The following EXOC6B variants were observed in gnomAD, a reference collection of about 807,000 sequenced individuals.
EXOC6B encodes exocyst complex component 6B, also known as SEC15 homolog B.
Under a neutral mutation model 113.5 loss-of-function variants are expected in EXOC6B, and 54 were observed. The observed-to-expected ratio is 0.48, with a 90% CI of 0.38 to 0.60. The LOEUF is 0.60. Among genes scored for constraint, EXOC6B ranks in the 20% least tolerant of loss-of-function variants. The pLI is 0.00. For missense variants in EXOC6B, 797 were observed against 977.5 expected, an observed-to-expected ratio of 0.82 and a Z score of 2.46; for synonymous variants, 357 against 339.0, an observed-to-expected ratio of 1.05 and a Z score of -0.58.
chr2:72,493,175 T>G (rs1053629230), intron 15 of EXOC6B, among the ~76,000 whole-genome samples: 15 of 152,124 alleles, frequency 9.9e-5, no homozygotes, highest in Non-Finnish European at 2.1e-4. Flanking sequence ...TAGTTACACC[T>G]TTCCTATTCT....
intron 19 of EXOC6B, among the ~76,000 whole-genome samples, chr2:72,349,251 CT>C (rs1182659924): frequency 2.6e-5 from 4 of 152,182 alleles, no homozygotes; most frequent in Non-Finnish European, 5.9e-5. Context: ...TTGTCCCTGG[CT>C]CCTGGCATAG....
chr2:72,371,846 A>C (rs887215989), intron 19 of EXOC6B, among the ~76,000 whole-genome samples: 1 of 152,172 alleles, frequency 6.6e-6, no homozygotes, highest in African/African-American at 2.4e-5. Context: ...TAAACAAGAA[A>C]AAGAAAAAAG....
intron 6 of EXOC6B, among the ~76,000 whole-genome samples, chr2:72,600,465 A>C (rs946474282): frequency 1.5e-5 from 2 of 135,224 alleles, no homozygotes; most frequent in African/African-American, 5.3e-5. Flanking sequence ...AAAAAAAAAA[A>C]CTACAATAAC....
chr2:72,481,254 C>G (rs1004495883), intron 16 of EXOC6B, among the ~76,000 whole-genome samples: 1 of 152,196 alleles, frequency 6.6e-6, no homozygotes, highest in Non-Finnish European at 1.5e-5. Flanking sequence ...TATAAATTAC[C>G]CAGCCTCGGG....
chr2:72,681,847 T>C (rs536697125), intron 6 of EXOC6B, among the ~76,000 whole-genome samples: 2 of 152,226 alleles, frequency 1.3e-5, no homozygotes, highest in East Asian at 3.9e-4. Flanking sequence ...AATAGGGTAG[T>C]CTTGATTTAT....
At chr2:72,452,391 TA>T (rs1268026140) in intron 18 of EXOC6B, among the ~76,000 whole-genome samples, 4 of 152,136 alleles carry the variant, frequency 2.6e-5, no homozygotes, top group African/African-American at 9.7e-5. Flanking sequence ...TAGTTCATAA[TA>T]GGGGAAAATA....
intron 18 of EXOC6B, among the ~76,000 whole-genome samples, chr2:72,396,876 G>T (rs924731219): frequency 3.7e-4 from 56 of 151,744 alleles, no homozygotes; most frequent in African/African-American, 1.3e-3. Context: ...GTAATAACAG[G>T]TGATGCTAGA....
At chr2:72,628,143 G>T (rs1265617788) in intron 6 of EXOC6B, among the ~76,000 whole-genome samples, 1 of 151,630 alleles carries the variant, frequency 6.6e-6, no homozygotes, top group Non-Finnish European at 1.5e-5. Context: ...ATTATTTTTT[G>T]AGACAGGATC....
intron 6 of EXOC6B, among the ~76,000 whole-genome samples, chr2:72,628,698 GCAACCCA>G: frequency 6.6e-6 from 1 of 152,044 alleles, no homozygotes; most frequent in Non-Finnish European, 1.5e-5. Flanking sequence ...ATGGTAGTCT[GCAACCCA>G]GAAGAGGGCC....
intron 20 of EXOC6B, among the ~76,000 whole-genome samples, chr2:72,278,235 A>G (rs1019940797): frequency 2.0e-5 from 3 of 152,290 alleles, no homozygotes; most frequent in Middle Eastern, 6.8e-3. Context: ...CAGGGATCAT[A>G]TGAGACTAGT....
chr2:72,580,097 C>T (rs1367690258), intron 6 of EXOC6B, among the ~76,000 whole-genome samples: 1 of 150,054 alleles, frequency 6.7e-6, no homozygotes, highest in Non-Finnish European at 1.5e-5. Context: ...CAAAAAAAAG[C>T]AAGCTTTACC....
chr2:72,485,590 C>A lies in EXOC6B; in HGVS notation c.1666-4840G>T, dbSNP rs950723264. ...TATACCATCTCCATGATTAAAATAC[C>A]TAAAATACTAAAATACATGAAACTC... is the stretch of plus-strand genomic sequence containing the variant. On this transcript the variant is annotated intron_variant, in intron 16 of 21. Coordinates refer to ENST00000272427, the MANE Select transcript of EXOC6B (RefSeq NM_015189.3). Among the ~76,000 whole-genome samples the A allele has an allele frequency of 5.9e-5, 9 of 151,930 alleles. No individual in the cohort carries two copies. In the Admixed American group the frequency reaches 5.9e-4, roughly 10 times the overall value.
chr2:72,815,733 T>C (rs1686202044), intron 1 of EXOC6B, among the ~76,000 whole-genome samples: 1 of 152,154 alleles, frequency 6.6e-6, no homozygotes, highest in Non-Finnish European at 1.5e-5. Flanking sequence ...AAATGAGCAA[T>C]CTCATAGACT....
chr2:72,197,619 A>T (rs1572982368), intron 20 of EXOC6B, among the ~76,000 whole-genome samples: 1 of 152,082 alleles, frequency 6.6e-6, no homozygotes, highest in East Asian at 1.9e-4. Context: ...AAGATCTGAG[A>T]CAATGAGGAT....
At chr2:72,701,164 G>A (rs1487648773) in intron 6 of EXOC6B, among the ~76,000 whole-genome samples, 2 of 150,302 alleles carry the variant, frequency 1.3e-5, no homozygotes, top group African/African-American at 2.5e-5. Context: ...CCAACATAGT[G>A]AAACCCCATC....
intron 11 of EXOC6B, among the ~76,000 whole-genome samples, chr2:72,512,112 C>A (rs1700935994): frequency 6.6e-6 from 1 of 152,006 alleles, no homozygotes; most frequent in African/African-American, 2.4e-5. Flanking sequence ...TCTCAGAGTG[C>A]CACTTCAAAA....
chr2:72,514,633 C>A lies in EXOC6B; in HGVS notation c.1046+1G>T. The A allele has an allele frequency of 1.2e-6, 1 of 814,714 alleles. No homozygotes were observed. Among genetic ancestry groups the A allele is most frequent in the Non-Finnish European group, 1.9e-6 (1 of 535,804 alleles). The allele number at this position is 814,714 out of a possible 1,614,324, so 50.5% of individuals were successfully genotyped here. The stretch of plus-strand genomic sequence containing the variant: ...ATATATATATATATATATATACCTA[C>A]CCTACAATTTGATTAAAATACTTCC... On this transcript the variant is annotated splice_donor_variant, in intron 10 of 21. Coordinates refer to ENST00000272427, the MANE Select transcript of EXOC6B (RefSeq NM_015189.3). LOFTEE classifies it high-confidence loss of function.
At chr2:72,736,729 G>A (rs974523563) in intron 2 of EXOC6B, among the ~76,000 whole-genome samples, 1 of 152,172 alleles carries the variant, frequency 6.6e-6, no homozygotes, top group African/African-American at 2.4e-5. Flanking sequence ...TGCCAAGGAG[G>A]TATTCTACCA....
chr2:72,681,607 A>G lies in EXOC6B; in HGVS notation c.669+36496T>C, dbSNP rs984294145. ...TATGTGTGTACACATAGGATAATCT[A>G]TTGGGTAACAGATGAAAGCATTTGT... On this transcript the variant is annotated intron_variant, in intron 6 of 21. Transcript: ENST00000272427. Among the ~76,000 whole-genome samples, 4 of 152,166 alleles carry G rather than the reference A, an allele frequency of 2.6e-5. No homozygotes were observed. The East Asian group carries it at 5.8e-4, about 22-fold the overall frequency.
Sources: gnomAD v4.1 joint callset for allele counts (sites outside exome capture counted in the v4.1 genomes callset) on GRCh38, gnomAD v4.1.1 for gene constraint, MANE v1.5 for transcripts, NCBI Gene and HGNC (gene_info 2026-07-23, HGNC 2026-07-21) for gene names.